Variants in FRMD5 observed in about 807,000 individuals in gnomAD.
FRMD5 encodes FERM domain-containing protein 5.
In FRMD5, 20 loss-of-function variants were observed where a neutral mutation model predicts 69.0. The ratio of observed to expected loss-of-function variants is 0.29; its 90% CI spans 0.20 to 0.42. The LOEUF (loss-of-function observed/expected upper bound fraction) is 0.42. Among genes scored for constraint, FRMD5 ranks in the 10% least tolerant of loss-of-function variants. The probability of loss-of-function intolerance (pLI) is 1.00; values close to 1 mark genes in which losing one functional copy is unlikely to be tolerated. For missense variants in FRMD5, 595 were observed against 708.6 expected (o/e 0.84, Z 1.82); for synonymous variants, 271 against 260.1 (o/e 1.04, Z -0.40).
At chr15:43,982,693 T>C (rs1252788945) in intron 1 of FRMD5, among the ~76,000 whole-genome samples, 5 of 152,224 alleles carry the variant, frequency 3.3e-5, no homozygotes, top group African/African-American at 1.2e-4. Flanking sequence ...ACCAAGAAGT[T>C]TTTAAAGAAC....
At chr15:43,938,811 T>C (rs1431653345) in intron 1 of FRMD5, among the ~76,000 whole-genome samples, 1 of 152,146 alleles carries the variant, frequency 6.6e-6, no homozygotes, top group African/African-American at 2.4e-5. Flanking sequence ...TAAAGCCAGA[T>C]TTCTTTTTAG....
rs1287987708 is a variant in FRMD5 at position 44,114,649 on chromosome 15, T to C, written c.102+80304A>G. On this transcript the variant is annotated intron_variant, in intron 1 of 13. Transcript: ENST00000417257. ...CTGCTTCCAGGTTATAATGCCAATGTGAAAGAATATGTTTACAAAGTTGAA... is the reference window on the plus strand; with the variant it reads ...CTGCTTCCAGGTTATAATGCCAATGCGAAAGAATATGTTTACAAAGTTGAA... Among the ~76,000 whole-genome samples the C allele has an allele frequency of 2.6e-5, 4 of 152,228 alleles. No individual in the cohort carries two copies. In the East Asian group the frequency reaches 7.7e-4, roughly 29 times the overall value.
At chr15:44,008,244 T>G (rs1890551777) in intron 1 of FRMD5, among the ~76,000 whole-genome samples, 1 of 151,786 alleles carries the variant, frequency 6.6e-6, no homozygotes, top group African/African-American at 2.4e-5. Context: ...TCTAGAAGCC[T>G]TTATTTCATG....
chr15:44,036,979 A>T (rs1355868457), intron 1 of FRMD5, among the ~76,000 whole-genome samples: 2 of 151,948 alleles, frequency 1.3e-5, no homozygotes, highest in African/African-American at 4.8e-5. Context: ...AGCACTCAAC[A>T]TTACAACTAC....
At chr15:44,016,529 C>A (rs1426468932) in intron 1 of FRMD5, among the ~76,000 whole-genome samples, 1 of 151,906 alleles carries the variant, frequency 6.6e-6, no homozygotes, top group Non-Finnish European at 1.5e-5. Context: ...TCAAGACCAG[C>A]CTGGCCAACA....
intron 1 of FRMD5, among the ~76,000 whole-genome samples, chr15:44,114,522 A>ACT (rs1475403097): frequency 1.3e-5 from 2 of 151,888 alleles, no homozygotes; most frequent in Non-Finnish European, 2.9e-5. Context: ...TTCTCTATTG[A>ACT]CTCCTCTTTC....
At chr15:43,906,795 G>T (rs1041820830) in intron 5 of FRMD5, among the ~76,000 whole-genome samples, 2 of 142,016 alleles carry the variant, frequency 1.4e-5, no homozygotes, top group Non-Finnish European at 3.0e-5. Flanking sequence ...TAGAGACGGG[G>T]TTTCACCGTG....
chr15:43,926,708 C>T (rs527883012), intron 1 of FRMD5, among the ~76,000 whole-genome samples: 25 of 151,672 alleles, frequency 1.6e-4, no homozygotes, highest in Non-Finnish European at 3.2e-4. Flanking sequence ...CAACACCCCT[C>T]CTCTTCTGAG....
intron 1 of FRMD5, among the ~76,000 whole-genome samples, chr15:44,136,961 A>T (rs1312973138): frequency 6.6e-6 from 1 of 152,212 alleles, no homozygotes; most frequent in Non-Finnish European, 1.5e-5. Context: ...AAAAAAGGAA[A>T]ATTATAGCTG....
intron 1 of FRMD5, among the ~76,000 whole-genome samples, chr15:43,983,437 T>G (rs917111044): frequency 6.6e-6 from 1 of 152,184 alleles, no homozygotes; most frequent in Non-Finnish European, 1.5e-5. Flanking sequence ...TTTTCAGCCC[T>G]TGGACCATTA....
intron 1 of FRMD5, among the ~76,000 whole-genome samples, chr15:44,035,329 G>C (rs1052901964): frequency 6.6e-6 from 1 of 152,208 alleles, no homozygotes; most frequent in Non-Finnish European, 1.5e-5. Context: ...TGAACAGGTT[G>C]TATACCACTT....
At chr15:44,160,381 A>G (rs2077596983) in intron 1 of FRMD5, among the ~76,000 whole-genome samples, 1 of 152,148 alleles carries the variant, frequency 6.6e-6, no homozygotes, top group Non-Finnish European at 1.5e-5. Context: ...AATAACTGGG[A>G]AAGTTTTGCA....
intron 1 of FRMD5, among the ~76,000 whole-genome samples, chr15:44,055,790 C>T (rs1193423414): frequency 1.3e-5 from 2 of 152,152 alleles, no homozygotes; most frequent in Non-Finnish European, 2.9e-5. Flanking sequence ...AGTCACTTAA[C>T]CTCTTTCAGC....
chr15:43,931,091 G>A (rs1253771184), intron 1 of FRMD5, among the ~76,000 whole-genome samples: 2 of 152,220 alleles, frequency 1.3e-5, no homozygotes, highest in African/African-American at 4.8e-5. Flanking sequence ...TGAAGTGTCT[G>A]GAAAGAAAAA....
chr15:43,927,981 A>G (rs1259214566), intron 1 of FRMD5, among the ~76,000 whole-genome samples: 1 of 152,190 alleles, frequency 6.6e-6, no homozygotes, highest in Non-Finnish European at 1.5e-5. Flanking sequence ...TTAGCTGGTA[A>G]GAACCCTGAA....
In FRMD5 at chr15:44,190,621, A is replaced by G. The variant is rs150830419; in HGVS notation, c.102+4332T>C. Among the ~76,000 whole-genome samples the G allele has an allele frequency of 6.8e-4, 103 of 152,236 alleles. No individual in the cohort carries two copies. In the East Asian group the frequency reaches 0.019, roughly 28 times the overall value. ...AATTGACTTCATAAATACCTCAAAGACCTCATAAATACCACACTAACATAC... is the reference window on the plus strand; with the variant it reads ...AATTGACTTCATAAATACCTCAAAGGCCTCATAAATACCACACTAACATAC... On this transcript the variant is annotated intron_variant, in intron 1 of 13. Transcript: ENST00000417257.
chr15:43,987,916 C>T (rs1236667476), intron 1 of FRMD5, among the ~76,000 whole-genome samples: 1 of 152,016 alleles, frequency 6.6e-6, no homozygotes, highest in Non-Finnish European at 1.5e-5. Flanking sequence ...TCAGTGGGAG[C>T]CCTGAGCTGC....
chr15:44,134,559 C>T (rs778548329), intron 1 of FRMD5, among the ~76,000 whole-genome samples: 4 of 152,184 alleles, frequency 2.6e-5, no homozygotes, highest in Non-Finnish European at 4.4e-5. Context: ...AGAGATTCTC[C>T]TGCCTCAACC....
At chr15:44,024,901 C>T (rs1891363481) in intron 1 of FRMD5, among the ~76,000 whole-genome samples, 1 of 152,216 alleles carries the variant, frequency 6.6e-6, no homozygotes, top group Admixed American at 6.5e-5. Context: ...CCTCAACCTA[C>T]ATCCTCACTC....
Sources: gnomAD v4.1 joint callset for allele counts (sites outside exome capture counted in the v4.1 genomes callset) on GRCh38, gnomAD v4.1.1 for gene constraint, MANE v1.5 for transcripts, NCBI Gene and HGNC (gene_info 2026-07-23, HGNC 2026-07-21) for gene names.